CDKAL1: variants seen among roughly 807,000 people sequenced by gnomAD.
CDKAL1 encodes the protein threonylcarbamoyladenosine tRNA methylthiotransferase.
In CDKAL1, 32 loss-of-function variants were observed where a neutral mutation model predicts 68.2. The observed-to-expected ratio is 0.47, with a 90% CI of 0.35 to 0.63. The LOEUF (loss-of-function observed/expected upper bound fraction) is 0.63, where lower values mean the gene tolerates loss of function less well. CDKAL1 is among the 30% of genes least tolerant of loss of function. CDKAL1 has a pLI of 0.00. For missense variants in CDKAL1, 606 were observed against 696.7 expected, an observed-to-expected ratio of 0.87 and a Z score of 1.47; for synonymous variants, 234 against 244.3, an observed-to-expected ratio of 0.96 and a Z score of 0.39.
intron 13 of CDKAL1, among the ~76,000 whole-genome samples, chr6:21,136,316 GAAAAT>G (rs1435881989): frequency 6.6e-6 from 1 of 152,172 alleles, no homozygotes; most frequent in Non-Finnish European, 1.5e-5. Flanking sequence ...GCAAGACGTT[GAAAAT>G]ACAAACAGTA....
At chr6:20,776,448 T>C (rs1268607948) in intron 7 of CDKAL1, among the ~76,000 whole-genome samples, 1 of 152,218 alleles carries the variant, frequency 6.6e-6, no homozygotes, top group Non-Finnish European at 1.5e-5. Context: ...TTAAAGTGAG[T>C]AGTGCAAAGA....
intron 8 of CDKAL1, among the ~76,000 whole-genome samples, chr6:20,822,055 T>C (rs1265203108): frequency 6.6e-6 from 1 of 152,184 alleles, no homozygotes; most frequent in Non-Finnish European, 1.5e-5. Flanking sequence ...ATGGCTACTT[T>C]TGCTCTATGA....
intron 10 of CDKAL1, among the ~76,000 whole-genome samples, chr6:20,977,739 G>A (rs1317393960): frequency 6.6e-6 from 1 of 152,116 alleles, no homozygotes; most frequent in East Asian, 1.9e-4. Flanking sequence ...TTAGCTGGAC[G>A]TGGTGATGCA....
chr6:20,618,552 A>G (rs1288921399), intron 4 of CDKAL1, among the ~76,000 whole-genome samples: 1 of 152,246 alleles, frequency 6.6e-6, no homozygotes, highest in Non-Finnish European at 1.5e-5. Context: ...GCTTAATGCT[A>G]GAAATTGGTA....
At chr6:20,940,448 G>A (rs976560259) in intron 9 of CDKAL1, among the ~76,000 whole-genome samples, 2 of 152,158 alleles carry the variant, frequency 1.3e-5, no homozygotes, top group African/African-American at 2.4e-5. Context: ...AATTTAAAAT[G>A]TTCTAGTAGC....
intron 5 of CDKAL1, among the ~76,000 whole-genome samples, chr6:20,737,035 A>G (rs1258488851): frequency 1.3e-5 from 2 of 152,126 alleles, no homozygotes; most frequent in Admixed American, 1.3e-4. Context: ...GATTCTTTCT[A>G]CAGTATAAGC....
At chr6:21,205,649 G>A (rs1404972319) in intron 15 of CDKAL1, among the ~76,000 whole-genome samples, 83 of 130,362 alleles carry the variant, frequency 6.4e-4, no homozygotes, top group Middle Eastern at 5.3e-3. Context: ...TCCTGCCGCA[G>A]CCTCCCGAGT....
chr6:20,681,777 A>G (rs902496903), intron 5 of CDKAL1, among the ~76,000 whole-genome samples: 1 of 152,084 alleles, frequency 6.6e-6, no homozygotes, highest in Non-Finnish European at 1.5e-5. Flanking sequence ...AGCTCATAGG[A>G]TAGTATCGAT....
chr6:20,609,400 TC>T (rs757902607), intron 4 of CDKAL1, among the ~76,000 whole-genome samples: 2,573 of 62,584 alleles, frequency 0.041, 72 homozygotes, highest in African/African-American at 0.1. Context: ...TTCTTCTTCT[TC>T]TTTTTTTTTT....
At chr6:20,921,367 T>G (rs889878282) in intron 9 of CDKAL1, among the ~76,000 whole-genome samples, 1 of 152,150 alleles carries the variant, frequency 6.6e-6, no homozygotes, top group African/African-American at 2.4e-5. Flanking sequence ...GTACAGAGGT[T>G]GCAGTGAGCC....
chr6:21,108,583 T>C, intron 13 of CDKAL1, 120 bp downstream of exon 13: 1 of 604,740 alleles, frequency 1.7e-6, no homozygotes, highest in Non-Finnish European at 2.8e-6. Flanking sequence ...TATTTCAATT[T>C]AAATTTTTTA....
chr6:20,846,342 T>A (rs1287634426), intron 9 of CDKAL1, among the ~76,000 whole-genome samples, 164 bp downstream of exon 9: 3 of 152,186 alleles, frequency 2.0e-5, no homozygotes, highest in African/African-American at 7.2e-5. Flanking sequence ...AATCACTTAG[T>A]TTATTTTTAC....
At position 21,183,401 on chromosome 6, in the gene CDKAL1, G is replaced by C. The variant is rs773899252; in HGVS notation, c.1300-14620G>C. Among the ~76,000 whole-genome samples, 7 of 152,220 alleles carry C rather than the reference G, an allele frequency of 4.6e-5. No individual in the cohort carries two copies. In the South Asian group the frequency reaches 1.5e-3, roughly 32 times the overall value. ...TCAAGCCCAGGATCCTAATTCCTCCGGCACCTTTTTGCTTTTTTAGCATAT... is the reference window on the plus strand; with the variant it reads ...TCAAGCCCAGGATCCTAATTCCTCCCGCACCTTTTTGCTTTTTTAGCATAT... On this transcript the variant is annotated intron_variant, in intron 13 of 15. Coordinates refer to ENST00000274695, the MANE Select transcript of CDKAL1 (RefSeq NM_017774.3).
At chr6:20,690,592 A>C (rs1770827422) in intron 5 of CDKAL1, among the ~76,000 whole-genome samples, 2 of 152,172 alleles carry the variant, frequency 1.3e-5, no homozygotes, top group African/African-American at 2.4e-5. Context: ...TTGGGATGAC[A>C]GCTCATTGTT....
chr6:21,053,192 C>T (rs1327303674), intron 11 of CDKAL1, among the ~76,000 whole-genome samples: 1 of 152,158 alleles, frequency 6.6e-6, no homozygotes, highest in African/African-American at 2.4e-5. Context: ...TATTCTAAGT[C>T]GTCTTCTAGA....
intron 4 of CDKAL1, among the ~76,000 whole-genome samples, chr6:20,549,500 T>C (rs1208384941): frequency 2.0e-5 from 3 of 152,190 alleles, no homozygotes; most frequent in East Asian, 1.9e-4. Context: ...TAGTATCTAC[T>C]GGTGGATCTT....
intron 9 of CDKAL1, among the ~76,000 whole-genome samples, chr6:20,918,525 G>C (rs982992968): frequency 6.6e-6 from 1 of 152,186 alleles, no homozygotes; most frequent in Non-Finnish European, 1.5e-5. Context: ...ATTGGAAGCT[G>C]TAACACATGC....
chr6:21,053,222 C>T lies in CDKAL1; in HGVS notation c.1056-11826C>T, dbSNP rs942824177. On this transcript the variant is annotated intron_variant, in intron 11 of 15. Transcript: ENST00000274695. Reference sequence around the variant, plus strand: ...TCTAGATATTTCTTATAAATGGAATCACAATAAGCAATCCTTCGTGTCTTT... The same window carrying T: ...TCTAGATATTTCTTATAAATGGAATTACAATAAGCAATCCTTCGTGTCTTT... 7.9e-5 allele frequency among the ~76,000 whole-genome samples: 12 copies of T among 152,202 alleles called. No homozygotes were observed. In the East Asian group the frequency reaches 1.3e-3, roughly 17 times the overall value.
chr6:21,087,687 C>T (rs1188946097), intron 12 of CDKAL1, among the ~76,000 whole-genome samples: 3 of 151,934 alleles, frequency 2.0e-5, no homozygotes, highest in Admixed American at 6.6e-5. Context: ...TTTATCTAAC[C>T]CTAACTCTTG....
Sources: gnomAD v4.1 joint callset for allele counts (sites outside exome capture counted in the v4.1 genomes callset) on GRCh38, gnomAD v4.1.1 for gene constraint, MANE v1.5 for transcripts, NCBI Gene and HGNC (gene_info 2026-07-23, HGNC 2026-07-21) for gene names.